Variants in PCDH15 observed in about 807,000 individuals in gnomAD.
PCDH15 encodes the protein protocadherin related 15.
A neutral mutation model predicts 178.5 loss-of-function variants in PCDH15; 129 were observed. The ratio of observed to expected loss-of-function variants is 0.72; its 90% CI spans 0.63 to 0.84. PCDH15 has a LOEUF of 0.84. PCDH15 is among the 40% of genes least tolerant of loss of function. The pLI, the probability that PCDH15 is intolerant of heterozygous loss-of-function variation, is 0.00. For missense variants in PCDH15, 2,230 were observed against 2,099.9 expected (o/e 1.06, Z -1.21); for synonymous variants, 800 against 732.0 (o/e 1.09, Z -1.50).
intron 2 of PCDH15, among the ~76,000 whole-genome samples, chr10:55,079,145 C>T (rs1841978782): frequency 6.6e-6 from 1 of 151,900 alleles, no homozygotes; most frequent in African/African-American, 2.4e-5. Context: ...TTATTGTGTT[C>T]TTTTGGGTAT....
At chr10:55,610,782 G>T (rs906479384) in intron 2 of PCDH15, among the ~76,000 whole-genome samples, 1 of 151,976 alleles carries the variant, frequency 6.6e-6, no homozygotes, top group Non-Finnish European at 1.5e-5. Context: ...AGATCTGAGT[G>T]TTTATGGGGT....
intron 3 of PCDH15, among the ~76,000 whole-genome samples, chr10:54,508,858 A>AT (rs905387259): frequency 2.1e-4 from 32 of 152,174 alleles, no homozygotes; most frequent in Middle Eastern, 6.8e-3. Context: ...CAGATTTCAG[A>AT]TTTTTTTGAA....
intron 15 of PCDH15, among the ~76,000 whole-genome samples, chr10:54,099,498 C>CAAAAAAAAA (rs755057091): frequency 2.0e-4 from 10 of 49,926 alleles, no homozygotes; most frequent in Non-Finnish European, 3.0e-4. Context: ...GACTCCATCT[C>CAAAAAAAAA]AAAAAAAAAA....
chr10:55,316,732 C>T (rs1343863133), intron 1 of PCDH15, among the ~76,000 whole-genome samples: 1 of 151,962 alleles, frequency 6.6e-6, no homozygotes, highest in African/African-American at 2.4e-5. Flanking sequence ...GTATCAGTTT[C>T]CTTTTCTGTA....
intron 3 of PCDH15, among the ~76,000 whole-genome samples, chr10:54,450,764 G>C (rs201857259): frequency 6.6e-6 from 1 of 151,416 alleles, no homozygotes; most frequent in African/African-American, 2.4e-5. Context: ...ACATTCAAAA[G>C]AAAACAAACA....
At chr10:55,332,835 C>T (rs73253852) in intron 2 of PCDH15, among the ~76,000 whole-genome samples, 1,816 of 152,252 alleles carry the variant, frequency 0.012, 50 homozygotes, top group African/African-American at 0.042. Flanking sequence ...GATTGTGAGA[C>T]CTCTCCAGCC....
At chr10:55,578,131 T>C (rs768546505) in intron 2 of PCDH15, among the ~76,000 whole-genome samples, 1 of 152,104 alleles carries the variant, frequency 6.6e-6, no homozygotes, top group Non-Finnish European at 1.5e-5. Flanking sequence ...TTAAATTGCC[T>C]CTTTGTCTAA....
At chr10:54,142,968 A>G (rs551291186) in intron 14 of PCDH15, among the ~76,000 whole-genome samples, 2 of 152,270 alleles carry the variant, frequency 1.3e-5, no homozygotes, top group South Asian at 4.1e-4. Flanking sequence ...CTGTGATCCT[A>G]TTTTGTGATA....
At chr10:54,731,930 C>A (rs190268527) in intron 1 of PCDH15, among the ~76,000 whole-genome samples, 1 of 150,564 alleles carries the variant, frequency 6.6e-6, no homozygotes, top group East Asian at 2.0e-4. Flanking sequence ...TAGTATATTT[C>A]AAAATACTAA....
chr10:54,438,876 G>A (rs12781673), intron 3 of PCDH15, among the ~76,000 whole-genome samples: 72,536 of 151,896 alleles, frequency 0.48, 18,112 homozygotes, highest in Middle Eastern at 0.52. Context: ...CACTTAGGCA[G>A]CTAATTCACT....
intron 1 of PCDH15, among the ~76,000 whole-genome samples, chr10:54,673,555 C>T (rs769133914): frequency 6.6e-6 from 1 of 152,070 alleles, no homozygotes; most frequent in African/African-American, 2.4e-5. Context: ...TTTCCTGCCT[C>T]AGCCTCCCGA....
chr10:54,116,237 C>CAAA (rs58948747), intron 15 of PCDH15, among the ~76,000 whole-genome samples: 1 of 124,748 alleles, frequency 8.0e-6, no homozygotes, highest in African/African-American at 2.9e-5. Flanking sequence ...ACTGAAAATG[C>CAAA]AAAAAAAAAA....
intron 2 of PCDH15, among the ~76,000 whole-genome samples, chr10:55,554,021 G>T (rs987304004): frequency 6.6e-6 from 1 of 151,860 alleles, no homozygotes; most frequent in East Asian, 1.9e-4. Context: ...CACAATTAAG[G>T]TTGTACTCTG....
chr10:54,112,710 C>A lies in PCDH15; in HGVS notation c.1917+20165G>T, dbSNP rs1001513912. On this transcript the variant is annotated intron_variant, in intron 15 of 37. Coordinates refer to ENST00000644397, the MANE Select transcript of PCDH15 (RefSeq NM_001384140.1). ...CATTTCCCATGTCTCTCAAAATGTT[C>A]CCAATAGAGGTCACACATTTTTACA... Among the ~76,000 whole-genome samples the A allele has an allele frequency of 4.6e-5, 7 of 152,092 alleles. No homozygotes were observed. The Middle Eastern group carries it at 0.01, about 222-fold the overall frequency.
intron 8 of PCDH15, among the ~76,000 whole-genome samples, chr10:54,242,143 T>A (rs1564769299): frequency 5.0e-5 from 2 of 39,792 alleles, no homozygotes; most frequent in Non-Finnish European, 8.8e-5. Context: ...TATATATATA[T>A]ATATATATAT....
intron 18 of PCDH15, among the ~76,000 whole-genome samples, chr10:54,060,112 A>G (rs1422357979): frequency 6.6e-6 from 1 of 152,226 alleles, no homozygotes; most frequent in African/African-American, 2.4e-5. Context: ...TACAAATGTG[A>G]CTATATGCAT....
chr10:54,782,046 C>T (rs751946249), intron 1 of PCDH15, among the ~76,000 whole-genome samples: 1 of 152,100 alleles, frequency 6.6e-6, no homozygotes, highest in Non-Finnish European at 1.5e-5. Context: ...AAAATACATT[C>T]TTTAATAAGC....
At position 53,807,050 on chromosome 10, in the gene PCDH15, T is replaced by C. The variant is rs1841221160; in HGVS notation, c.4752A>G (p.Glu1584=). The stretch of plus-strand genomic sequence containing the variant: ...GATGGTGAAGACGGTTTCTCTGACA[T>C]TCAGGAGCACTGTCTTCTCCAGTTG... ...TSSTGEDSAP[E]CQRNRLHHPS... Residue 1584 remains glutamate, a synonymous_variant, in exon 38 of 38, where the codon GAA becomes GAG. Coordinates refer to ENST00000644397, the MANE Select transcript of PCDH15 (RefSeq NM_001384140.1). The C allele has an allele frequency of 6.2e-7, 1 of 1,613,352 alleles. No homozygotes were observed. Among genetic ancestry groups the C allele is most frequent in the Non-Finnish European group, 8.5e-7 (1 of 1,179,760 alleles).
At chr10:54,961,668 A>G (rs1045768398) in intron 2 of PCDH15, among the ~76,000 whole-genome samples, 9 of 152,186 alleles carry the variant, frequency 5.9e-5, no homozygotes, top group African/African-American at 2.2e-4. Flanking sequence ...GGATTCCTCT[A>G]CAATCTTCCA....
Sources: gnomAD v4.1 joint callset for allele counts (sites outside exome capture counted in the v4.1 genomes callset) on GRCh38, gnomAD v4.1.1 for gene constraint, MANE v1.5 for transcripts, NCBI Gene and HGNC (gene_info 2026-07-23, HGNC 2026-07-21) for gene names.